Variants in EXOC6B observed in about 807,000 individuals in gnomAD.
EXOC6B encodes the protein SEC15 homolog B.
EXOC6B carries 54 observed loss-of-function variants against 113.5 expected under a neutral mutation model. That is an observed-to-expected ratio of 0.48 (90% CI 0.38 to 0.60). The LOEUF (loss-of-function observed/expected upper bound fraction) is 0.60. EXOC6B is among the 20% of genes least tolerant of loss of function. The probability of loss-of-function intolerance (pLI) is 0.00; values close to 1 mark genes in which losing one functional copy is unlikely to be tolerated. For synonymous variants in EXOC6B, 357 were observed against 339.0 expected, an observed-to-expected ratio of 1.05 and a Z score of -0.58; for missense variants, 797 against 977.5, an observed-to-expected ratio of 0.82 and a Z score of 2.46.
At chr2:72,242,885 A>G (rs1410875363) in intron 20 of EXOC6B, among the ~76,000 whole-genome samples, 1 of 152,126 alleles carries the variant, frequency 6.6e-6, no homozygotes, top group Admixed American at 6.5e-5. Context: ...GGTATGTGCT[A>G]CCACGCCTTG....
At chr2:72,653,463 G>A (rs1336463856) in intron 6 of EXOC6B, among the ~76,000 whole-genome samples, 4 of 146,162 alleles carry the variant, frequency 2.7e-5, no homozygotes, top group Non-Finnish European at 4.5e-5. Flanking sequence ...GCTAAATGAC[G>A]AGTTAATGGG....
intron 20 of EXOC6B, among the ~76,000 whole-genome samples, chr2:72,331,007 C>T (rs900017053): frequency 6.6e-6 from 1 of 152,056 alleles, no homozygotes; most frequent in Non-Finnish European, 1.5e-5. Context: ...TATGAGTAAG[C>T]CCAGCTGAAC....
chr2:72,663,680 G>A (rs1360057578), intron 6 of EXOC6B, among the ~76,000 whole-genome samples: 3 of 152,006 alleles, frequency 2.0e-5, no homozygotes. Context: ...AAGATTAGTG[G>A]TTGTCAGGGA....
intron 6 of EXOC6B, among the ~76,000 whole-genome samples, chr2:72,697,049 C>T (rs979354485): frequency 1.1e-4 from 17 of 152,034 alleles, no homozygotes; most frequent in Admixed American, 1.1e-3. Context: ...AAATGTCTAT[C>T]CTGCCTTAAC....
intron 6 of EXOC6B, among the ~76,000 whole-genome samples, chr2:72,617,523 T>TC (rs1281785924): frequency 4.4e-5 from 6 of 137,128 alleles, no homozygotes; most frequent in East Asian, 2.6e-4. Context: ...TTTTCTTTTT[T>TC]TTTTTTTTTT....
At chr2:72,364,182 T>C (rs1300796914) in intron 19 of EXOC6B, among the ~76,000 whole-genome samples, 1 of 152,122 alleles carries the variant, frequency 6.6e-6, no homozygotes, top group African/African-American at 2.4e-5. Context: ...GTATCATTTC[T>C]TTAAGATTTT....
intron 18 of EXOC6B, among the ~76,000 whole-genome samples, chr2:72,422,771 C>A (rs1694974972): frequency 1.3e-5 from 2 of 152,194 alleles, no homozygotes; most frequent in Non-Finnish European, 2.9e-5. Flanking sequence ...TATCTAGCTG[C>A]TATGGTGGGG....
chr2:72,330,594 T>C (rs933578855), intron 20 of EXOC6B, among the ~76,000 whole-genome samples: 1 of 152,124 alleles, frequency 6.6e-6, no homozygotes, highest in Admixed American at 6.6e-5. Flanking sequence ...CCATGAAATA[T>C]TTTATAGCTA....
chr2:72,468,151 A>T lies in EXOC6B; in HGVS notation c.1801-2812T>A, dbSNP rs564509890. ...AAAAGCTTTCCTGTTTGATATAATC[A>T]ATCTGATTTGTCTTTTTTTACATTT... On this transcript the variant is annotated intron_variant, in intron 17 of 21. Transcript: ENST00000272427. 1.7e-4 allele frequency among the ~76,000 whole-genome samples: 26 copies of T among 152,172 alleles called. 1 individual carries two copies. In the South Asian group the frequency reaches 4.8e-3, roughly 28 times the overall value.
At chr2:72,408,972 C>G (rs187032281) in intron 18 of EXOC6B, among the ~76,000 whole-genome samples, 1 of 152,148 alleles carries the variant, frequency 6.6e-6, no homozygotes, top group East Asian at 1.9e-4. Flanking sequence ...ACTCATCTGG[C>G]AAAGGGCTAA....
chr2:72,458,777 G>GGTTTGATCCACATTACTGCTTCTAAAT (rs1697419541), intron 18 of EXOC6B, among the ~76,000 whole-genome samples: 1 of 152,054 alleles, frequency 6.6e-6, no homozygotes, highest in Non-Finnish European at 1.5e-5. Flanking sequence ...ACAAGCACCA[G>GGTTTGATCCACATTACTGCTTCTAAAT]GTTTGATCCA....
At chr2:72,643,781 A>G (rs566753086) in intron 6 of EXOC6B, among the ~76,000 whole-genome samples, 1 of 150,384 alleles carries the variant, frequency 6.6e-6, no homozygotes, top group South Asian at 2.1e-4. Flanking sequence ...AAATAAATTT[A>G]AAAAAAAAGA....
chr2:72,325,651 T>C lies in EXOC6B; in HGVS notation c.2196+9296A>G, dbSNP rs78840963. Among the ~76,000 whole-genome samples, 955 of 151,972 alleles carry C rather than the reference T, an allele frequency of 6.3e-3. 8 individuals carry two copies. The highest frequency in any genetic ancestry group is 9.2e-3 in the Non-Finnish European group (622 of 67,954). ...TGAGCTAGCATTTCCAGACACAAACTCTCGAGGGAAGAACCCTCAAAGAGG... is the reference window on the plus strand; with the variant it reads ...TGAGCTAGCATTTCCAGACACAAACCCTCGAGGGAAGAACCCTCAAAGAGG... On this transcript the variant is annotated intron_variant, in intron 20 of 21. Transcript: ENST00000272427.
chr2:72,176,195 C>T lies in EXOC6B; in HGVS notation c.*3140G>A. On this transcript the variant is annotated 3_prime_UTR_variant, in exon 22 of 22. Coordinates refer to ENST00000272427, the MANE Select transcript of EXOC6B (RefSeq NM_015189.3). The stretch of plus-strand genomic sequence containing the variant: ...CCTAATTTTCTCTATATATGTGCAA[C>T]TATCTGTGTAAAATAAAAATGCCAT... 1 of 149,246 alleles carries T rather than the reference C, an allele frequency of 6.7e-6. No individual in the cohort carries two copies. The highest frequency in any genetic ancestry group is 6.7e-5 in the Admixed American group (1 of 14,946). 9.2% of individuals were successfully genotyped at this position (149,246 alleles called of 1,614,324 possible).
intron 20 of EXOC6B, among the ~76,000 whole-genome samples, chr2:72,301,301 G>A (rs1686515426): frequency 6.6e-6 from 1 of 152,132 alleles, no homozygotes; most frequent in African/African-American, 2.4e-5. Context: ...TTGGCCTGAA[G>A]TTTTCTTTTT....
intron 20 of EXOC6B, among the ~76,000 whole-genome samples, chr2:72,330,101 G>A (rs543096563): frequency 3.9e-5 from 6 of 152,132 alleles, no homozygotes; most frequent in Non-Finnish European, 8.8e-5. Flanking sequence ...AAAAACTTAA[G>A]TATATATCAG....
chr2:72,729,139 A>C (rs1227795990), intron 5 of EXOC6B, among the ~76,000 whole-genome samples: 2 of 152,164 alleles, frequency 1.3e-5, no homozygotes, highest in East Asian at 3.8e-4. Flanking sequence ...ACACAAAACA[A>C]AACAATATAT....
chr2:72,675,051 G>A lies in EXOC6B; in HGVS notation c.669+43052C>T, dbSNP rs558421693. On this transcript the variant is annotated intron_variant, in intron 6 of 21. Coordinates refer to ENST00000272427, the MANE Select transcript of EXOC6B (RefSeq NM_015189.3). ...AAACCCTCCACAAAATCGGGTTGACGTGTTCTTTACATACCACTCAAAACA... is the reference window on the plus strand; with the variant it reads ...AAACCCTCCACAAAATCGGGTTGACATGTTCTTTACATACCACTCAAAACA... 2.0e-5 allele frequency among the ~76,000 whole-genome samples: 3 copies of A among 152,268 alleles called. No individual in the cohort carries two copies. The East Asian group carries it at 5.8e-4, about 29-fold the overall frequency.
intron 20 of EXOC6B, among the ~76,000 whole-genome samples, chr2:72,231,968 A>C (rs1573047497): frequency 6.6e-6 from 1 of 151,872 alleles, no homozygotes; most frequent in African/African-American, 2.4e-5. Context: ...ATAAAGATGC[A>C]AAAAAAATTA....
Sources: gnomAD v4.1 joint callset for allele counts (sites outside exome capture counted in the v4.1 genomes callset) on GRCh38, gnomAD v4.1.1 for gene constraint, MANE v1.5 for transcripts, NCBI Gene and HGNC (gene_info 2026-07-23, HGNC 2026-07-21) for gene names.